TRABD2A: variants seen among roughly 807,000 people sequenced by gnomAD.
The protein encoded by TRABD2A is metalloprotease TIKI1.
Under a neutral mutation model 45.6 loss-of-function variants are expected in TRABD2A, and 43 were observed. The ratio of observed to expected loss-of-function variants is 0.94; its 90% CI spans 0.74 to 1.22. TRABD2A has a LOEUF of 1.22. TRABD2A is among the 50% of genes most tolerant of loss of function. The pLI, the probability that TRABD2A is intolerant of heterozygous loss-of-function variation, is 0.00. For synonymous variants in TRABD2A, 269 were observed against 265.0 expected, an observed-to-expected ratio of 1.02 and a Z score of -0.15; for missense variants, 642 against 652.4, an observed-to-expected ratio of 0.98 and a Z score of 0.17.
intron 1 of TRABD2A, among the ~76,000 whole-genome samples, chr2:84,872,651 A>G (rs1010622659): frequency 2.0e-5 from 3 of 152,248 alleles, no homozygotes; most frequent in African/African-American, 7.2e-5. Flanking sequence ...TGAAGTTTCT[A>G]TCTACAGGCA....
intron 2 of TRABD2A, among the ~76,000 whole-genome samples, chr2:84,852,266 T>A (rs1373286014): frequency 6.6e-6 from 1 of 152,146 alleles, no homozygotes; most frequent in Non-Finnish European, 1.5e-5. Context: ...GCAGGCTCTC[T>A]TAGTGTAGCA....
At chr2:84,879,532 C>T (rs1201106552) in intron 1 of TRABD2A, 3 of 934,378 alleles carry the variant, frequency 3.2e-6, no homozygotes, top group Non-Finnish European at 3.8e-6. Flanking sequence ...AAAGGTAGGA[C>T]GATGGAATAA....
intron 2 of TRABD2A, among the ~76,000 whole-genome samples, chr2:84,863,212 T>C (rs1682554059): frequency 6.8e-6 from 1 of 147,534 alleles, no homozygotes; most frequent in South Asian, 2.1e-4. Flanking sequence ...AGCAAATTGC[T>C]CCCAAAAGGT....
chr2:84,840,208 TCTC>T (rs1681661271), intron 3 of TRABD2A, among the ~76,000 whole-genome samples: 2 of 152,234 alleles, frequency 1.3e-5, no homozygotes, highest in African/African-American at 2.4e-5. Context: ...GGATAACAGA[TCTC>T]CTTTTGCGAC....
chr2:84,857,291 A>G (rs936025694), intron 2 of TRABD2A, among the ~76,000 whole-genome samples: 1 of 152,216 alleles, frequency 6.6e-6, no homozygotes, highest in Admixed American at 6.5e-5. Context: ...TCTACCAAGC[A>G]CTTCCTGACT....
chr2:84,866,592 A>T (rs1330578495), intron 2 of TRABD2A, among the ~76,000 whole-genome samples: 1 of 152,146 alleles, frequency 6.6e-6, no homozygotes, highest in Admixed American at 6.5e-5. Flanking sequence ...TTAAATATAA[A>T]ATTATCAGTG....
chr2:84,850,288 A>G (rs936584260), intron 2 of TRABD2A, among the ~76,000 whole-genome samples: 8 of 152,202 alleles, frequency 5.3e-5, no homozygotes, highest in African/African-American at 1.4e-4. Flanking sequence ...CAAAGTACTC[A>G]AAGCTGTTAG....
At chr2:84,877,800 G>A (rs1421987284) in intron 1 of TRABD2A, among the ~76,000 whole-genome samples, 1 of 152,136 alleles carries the variant, frequency 6.6e-6, no homozygotes, top group Non-Finnish European at 1.5e-5. Flanking sequence ...TCCCATCCTA[G>A]CATCCCTGGA....
chr2:84,867,526 C>T (rs1453684791), intron 2 of TRABD2A, among the ~76,000 whole-genome samples: 1 of 152,138 alleles, frequency 6.6e-6, no homozygotes, highest in Non-Finnish European at 1.5e-5. Flanking sequence ...TAGGCATGGG[C>T]AAGGACTTCA....
intron 2 of TRABD2A, among the ~76,000 whole-genome samples, chr2:84,849,153 A>C (rs1267494907): frequency 6.6e-6 from 1 of 151,950 alleles, no homozygotes; most frequent in Non-Finnish European, 1.5e-5. Context: ...TCCCAACCCA[A>C]AGCCGTCCTG....
intron 2 of TRABD2A, among the ~76,000 whole-genome samples, chr2:84,857,063 A>T (rs1403986227): frequency 6.6e-6 from 1 of 151,988 alleles, no homozygotes; most frequent in Non-Finnish European, 1.5e-5. Context: ...CACCGTCTGC[A>T]AGCCAAGGAG....
Position 84,855,862 on chromosome 2 carries a change from G to A in TRABD2A, c.670-13855C>T, listed in dbSNP as rs778804757. On this transcript the variant is annotated intron_variant, in intron 2 of 6. Transcript: ENST00000409520. ...GGGGTGGGTGAGGGGGTTCGAGTCCGGCAGATGTCTTTTTTGTCAAAAACA... is the reference window on the plus strand; with the variant it reads ...GGGGTGGGTGAGGGGGTTCGAGTCCAGCAGATGTCTTTTTTGTCAAAAACA... Among the ~76,000 whole-genome samples the A allele has an allele frequency of 1.3e-4, 20 of 152,184 alleles. No homozygotes were observed. The South Asian group carries it at 1.7e-3, about 13-fold the overall frequency.
At chr2:84,879,059 TC>T (rs1199059736) in intron 1 of TRABD2A, among the ~76,000 whole-genome samples, 2 of 150,252 alleles carry the variant, frequency 1.3e-5, no homozygotes, top group African/African-American at 4.8e-5. Flanking sequence ...TGTAGAATTT[TC>T]TGGAGGCTAC....
chr2:84,827,996 G>A (rs148171668), intron 5 of TRABD2A, among the ~76,000 whole-genome samples: 133 of 152,338 alleles, frequency 8.7e-4, no homozygotes, highest in African/African-American at 3.1e-3. Flanking sequence ...ATGAATCTGT[G>A]TTGTTCTAAG....
chr2:84,872,084 T>C (rs1682886190), intron 1 of TRABD2A, among the ~76,000 whole-genome samples: 1 of 152,150 alleles, frequency 6.6e-6, no homozygotes, highest in Non-Finnish European at 1.5e-5. Context: ...TTATAACATA[T>C]CTGCTTATTA....
chr2:84,879,299 G>A (rs1395904703), intron 1 of TRABD2A, among the ~76,000 whole-genome samples: 1 of 151,434 alleles, frequency 6.6e-6, no homozygotes, highest in African/African-American at 2.4e-5. Flanking sequence ...TTCCACCTCA[G>A]TCTCTGGAGT....
intron 2 of TRABD2A, among the ~76,000 whole-genome samples, chr2:84,867,289 T>C (rs1477952424): frequency 6.6e-6 from 1 of 152,226 alleles, no homozygotes; most frequent in Non-Finnish European, 1.5e-5. Context: ...GAATGTGTTA[T>C]AAAATCAACA....
chr2:84,821,916 G>T lies in TRABD2A; in HGVS notation c.*1C>A. 2.5e-6 allele frequency: 4 copies of T among 1,587,570 alleles called. No individual in the cohort carries two copies. Among genetic ancestry groups the T allele is most frequent in the Non-Finnish European group, 3.4e-6 (4 of 1,166,196 alleles). ...GGTTCTTAGCCTGGTGCTTCCAGTC[G>T]TTACAGGAGGGGTGTCTCTGTTTGG... On this transcript the variant is annotated 3_prime_UTR_variant, in exon 7 of 7. Transcript: ENST00000409520.
intron 1 of TRABD2A, among the ~76,000 whole-genome samples, chr2:84,879,194 T>G (rs1381867730): frequency 6.6e-6 from 1 of 151,714 alleles, no homozygotes; most frequent in Non-Finnish European, 1.5e-5. Context: ...TTTTTTTTTT[T>G]TTTTTTGGAT....
Sources: gnomAD v4.1 joint callset for allele counts (sites outside exome capture counted in the v4.1 genomes callset) on GRCh38, gnomAD v4.1.1 for gene constraint, MANE v1.5 for transcripts, NCBI Gene and HGNC (gene_info 2026-07-23, HGNC 2026-07-21) for gene names.